EXOC4: variants seen among roughly 807,000 people sequenced by gnomAD.
EXOC4 encodes the protein SEC8-like 1.
A neutral mutation model predicts 107.2 loss-of-function variants in EXOC4; 71 were observed. The ratio of observed to expected loss-of-function variants is 0.66; its 90% CI spans 0.55 to 0.81. The LOEUF is 0.81. Ranked by LOEUF, EXOC4 falls within the 30% of genes least tolerant of loss-of-function variation. EXOC4 has a pLI of 0.00. For synonymous variants in EXOC4, 456 were observed against 441.2 expected, an observed-to-expected ratio of 1.03 and a Z score of -0.42; for missense variants, 1,108 against 1,189.6, an observed-to-expected ratio of 0.93 and a Z score of 1.01.
At chr7:133,522,483 T>C (rs1483502682) in intron 9 of EXOC4, among the ~76,000 whole-genome samples, 1 of 152,196 alleles carries the variant, frequency 6.6e-6, no homozygotes. Context: ...TGTATGGAAC[T>C]CTTCCTCTTC....
At chr7:133,469,912 G>T (rs889346665) in intron 7 of EXOC4, among the ~76,000 whole-genome samples, 2 of 152,156 alleles carry the variant, frequency 1.3e-5, no homozygotes, top group Admixed American at 6.5e-5. Context: ...TACATGGCCA[G>T]TAGAGAATGT....
intron 14 of EXOC4, among the ~76,000 whole-genome samples, chr7:133,944,996 C>T (rs1437634288): frequency 6.6e-6 from 1 of 152,182 alleles, no homozygotes; most frequent in African/African-American, 2.4e-5. Flanking sequence ...ATTGTTGACT[C>T]AAAACCCATT....
chr7:133,255,520 C>T (rs1214224960), intron 1 of EXOC4, among the ~76,000 whole-genome samples: 2 of 152,132 alleles, frequency 1.3e-5, no homozygotes, highest in Non-Finnish European at 2.9e-5. Flanking sequence ...CACTGCATAA[C>T]ACTTTTGTGA....
intron 9 of EXOC4, among the ~76,000 whole-genome samples, chr7:133,511,341 A>C (rs1190706387): frequency 3.9e-5 from 6 of 152,130 alleles, no homozygotes; most frequent in African/African-American, 1.4e-4. Context: ...TTGGGTTTCT[A>C]GGGGCAAAAA....
At chr7:133,504,352 A>G (rs1417991958) in intron 9 of EXOC4, among the ~76,000 whole-genome samples, 1 of 152,138 alleles carries the variant, frequency 6.6e-6, no homozygotes, top group Non-Finnish European at 1.5e-5. Context: ...AAGCAAAGCT[A>G]TTCTAGGTTG....
intron 10 of EXOC4, among the ~76,000 whole-genome samples, chr7:133,777,767 T>C (rs1333729197): frequency 6.6e-6 from 1 of 152,230 alleles, no homozygotes; most frequent in Non-Finnish European, 1.5e-5. Flanking sequence ...ATGGGGATGA[T>C]AATGATCAGT....
At chr7:133,571,825 G>T (rs1801030235) in intron 9 of EXOC4, among the ~76,000 whole-genome samples, 1 of 152,198 alleles carries the variant, frequency 6.6e-6, no homozygotes, top group Admixed American at 6.5e-5. Flanking sequence ...CTGACGTGGT[G>T]AAAGGCAGAA....
At chr7:134,070,392 G>A (rs1353983575), downstream of EXOC4, among the ~76,000 whole-genome samples, 1 of 152,236 alleles carries the variant, frequency 6.6e-6, no homozygotes, top group Non-Finnish European at 1.5e-5. Context: ...GTAGTAAGAT[G>A]CACACCACAG....
chr7:133,742,961 C>T (rs1341512095), intron 10 of EXOC4, among the ~76,000 whole-genome samples: 1 of 152,168 alleles, frequency 6.6e-6, no homozygotes, highest in African/African-American at 2.4e-5. Context: ...ACAGCAAAGA[C>T]GTTTAACAAA....
chr7:133,428,132 T>G (rs1192501183), intron 7 of EXOC4, among the ~76,000 whole-genome samples: 1 of 152,212 alleles, frequency 6.6e-6, no homozygotes, highest in Non-Finnish European at 1.5e-5. Context: ...TGACAGTGAT[T>G]TGTATGTCTA....
At chr7:133,753,304 A>G (rs1475720300) in intron 10 of EXOC4, among the ~76,000 whole-genome samples, 2 of 152,172 alleles carry the variant, frequency 1.3e-5, no homozygotes, top group African/African-American at 2.4e-5. Flanking sequence ...TGAATCTGCT[A>G]CCTTACTGTG....
chr7:133,805,862 A>G (rs1797063618), intron 10 of EXOC4, among the ~76,000 whole-genome samples: 1 of 152,228 alleles, frequency 6.6e-6, no homozygotes, highest in African/African-American at 2.4e-5. Context: ...AAAATCAGTT[A>G]GGAGATTATT....
chr7:133,827,101 A>G (rs1173702136), intron 11 of EXOC4, among the ~76,000 whole-genome samples: 2 of 152,238 alleles, frequency 1.3e-5, no homozygotes, highest in Non-Finnish European at 2.9e-5. Context: ...ATTTTCTAAA[A>G]GTACTCATCC....
At chr7:133,757,017 G>A (rs1407223479) in intron 10 of EXOC4, among the ~76,000 whole-genome samples, 1 of 152,140 alleles carries the variant, frequency 6.6e-6, no homozygotes, top group Non-Finnish European at 1.5e-5. Flanking sequence ...TTAAGGGATT[G>A]AATATGTTTC....
Position 133,770,240 on chromosome 7 carries a change from CTAGAGTGT to C in EXOC4, c.1515-47082_1515-47075del, listed in dbSNP as rs369682309. On this transcript the variant is annotated intron_variant, in intron 10 of 17. Transcript: ENST00000253861. ...GTACAATAGTTCTCTCAGGTAGATGCTAGAGTGTTATCCAGGTTATTGTGAGGAAGCTA... is the reference window on the plus strand; with the variant it reads ...GTACAATAGTTCTCTCAGGTAGATGCTATCCAGGTTATTGTGAGGAAGCTA... Among the ~76,000 whole-genome samples the C allele has an allele frequency of 3.4e-3, 511 of 151,936 alleles. 4 individuals carry two copies. The highest frequency in any genetic ancestry group is 0.011 in the African/African-American group (465 of 41,484).
intron 9 of EXOC4, among the ~76,000 whole-genome samples, chr7:133,578,518 A>G (rs1184545733): frequency 2.6e-5 from 4 of 152,194 alleles, no homozygotes; most frequent in Non-Finnish European, 5.9e-5. Flanking sequence ...TAAAATATAT[A>G]TAACCCTGAC....
At chr7:133,281,434 A>AT (rs1310297058) in intron 2 of EXOC4, among the ~76,000 whole-genome samples, 5 of 150,798 alleles carry the variant, frequency 3.3e-5, no homozygotes, top group Non-Finnish European at 5.9e-5. Flanking sequence ...GATAGTACTT[A>AT]TATGTAGATT....
intron 17 of EXOC4, among the ~76,000 whole-genome samples, chr7:134,033,796 A>G (rs543681658): frequency 6.6e-6 from 1 of 152,336 alleles, no homozygotes; most frequent in African/African-American, 2.4e-5. Flanking sequence ...AGAGAGGGGC[A>G]TAAAAAAAAG....
At chr7:133,915,490 A>G (rs1799788614) in intron 12 of EXOC4, among the ~76,000 whole-genome samples, 1 of 152,188 alleles carries the variant, frequency 6.6e-6, no homozygotes, top group African/African-American at 2.4e-5. Context: ...GATAAGAAGG[A>G]TATGGGCGGT....
Sources: gnomAD v4.1 joint callset for allele counts (sites outside exome capture counted in the v4.1 genomes callset) on GRCh38, gnomAD v4.1.1 for gene constraint, MANE v1.5 for transcripts, NCBI Gene and HGNC (gene_info 2026-07-23, HGNC 2026-07-21) for gene names.